Variants in DNAH9 observed in about 807,000 individuals in gnomAD.
The protein encoded by DNAH9 is DNAH9 variant protein.
Under a neutral mutation model 471.6 loss-of-function variants are expected in DNAH9, and 345 were observed. The ratio of observed to expected loss-of-function variants is 0.73; its 90% CI spans 0.67 to 0.80. The LOEUF is 0.80. DNAH9 is among the 30% of genes least tolerant of loss of function. DNAH9 has a pLI of 0.00. For synonymous variants in DNAH9, 2,093 were observed against 2,123.6 expected (o/e 0.99, Z 0.40); for missense variants, 5,407 against 5,609.2 (o/e 0.96, Z 1.15).
At chr17:11,706,471 A>T (rs1412172859) in intron 26 of DNAH9, among the ~76,000 whole-genome samples, 1 of 152,154 alleles carries the variant, frequency 6.6e-6, no homozygotes, top group African/African-American at 2.4e-5. Context: ...AATATCACCA[A>T]GGGGAAAAGT....
intron 28 of DNAH9, 99 bp downstream of exon 28, chr17:11,728,021 C>A: frequency 1.3e-6 from 1 of 750,072 alleles, no homozygotes; most frequent in Admixed American, 2.2e-5. Context: ...CATCTACGTC[C>A]CTTTTTCCCT....
At chr17:11,689,493 T>C (rs1001920001) in intron 19 of DNAH9, 73 bp from the exon 20 acceptor site, 2 of 1,282,228 alleles carry the variant, frequency 1.6e-6, no homozygotes, top group African/African-American at 3.0e-5. Context: ...TTTCAGCTGG[T>C]TGCTACCTTA....
intron 32 of DNAH9, among the ~76,000 whole-genome samples, chr17:11,749,074 GTT>G (rs375847017): frequency 2.0e-5 from 1 of 49,108 alleles, no homozygotes; most frequent in Non-Finnish European, 4.2e-5. Context: ...GTTTTTTTTT[GTT>G]TTTTTTTTTG....
At chr17:11,783,559 G>A (rs757692932) in intron 39 of DNAH9, 87 bp from the exon 40 acceptor site, 60 of 936,108 alleles carry the variant, frequency 6.4e-5, no homozygotes, top group Non-Finnish European at 9.4e-5. Flanking sequence ...CACATGAACA[G>A]TAGGGCACAT....
intron 58 of DNAH9, among the ~76,000 whole-genome samples, chr17:11,893,697 CTG>C (rs1354303891): frequency 6.6e-6 from 1 of 152,008 alleles, no homozygotes; most frequent in Non-Finnish European, 1.5e-5. Flanking sequence ...ATGTCACACA[CTG>C]GGGCCTGTCA....
At chr17:11,628,873 G>A (rs544070676) in intron 6 of DNAH9, among the ~76,000 whole-genome samples, 2 of 152,216 alleles carry the variant, frequency 1.3e-5, no homozygotes, top group South Asian at 4.2e-4. Context: ...ATTTATGTAT[G>A]TATATATTTA....
At chr17:11,890,383 A>G (rs1451737582) in intron 57 of DNAH9, among the ~76,000 whole-genome samples, 1 of 152,214 alleles carries the variant, frequency 6.6e-6, no homozygotes, top group Non-Finnish European at 1.5e-5. Context: ...ATTAAAACTA[A>G]ATAAGGAAGA....
At chr17:11,805,549 T>TTTTTTTTTTTG (rs1969638724) in intron 43 of DNAH9, among the ~76,000 whole-genome samples, 1 of 106,546 alleles carries the variant, frequency 9.4e-6, no homozygotes, top group Non-Finnish European at 1.9e-5. Context: ...TTTTTTTTTT[T>TTTTTTTTTTTG]TTTTTTTTTT....
Position 11,699,876 on chromosome 17 carries a change from G to T in DNAH9, c.5018G>T (p.Ser1673Ile). 4 of 1,614,154 alleles carry T rather than the reference G, an allele frequency of 2.5e-6. No individual in the cohort carries two copies. The highest frequency in any genetic ancestry group is 3.4e-6 in the Non-Finnish European group (4 of 1,179,994). Residue 1673 changes from serine to isoleucine, a missense_variant, in exon 23 of 69, where the codon AGC (serine) becomes ATC (isoleucine). Ser to Ile is a moderately radical substitution (Grantham distance 142). Around this residue, in one of 3 missense-constraint regions of DNAH9, gnomAD observed 4,636 missense variants for 4,900.3 expected, o/e 0.95. Transcript: ENST00000262442. ...YVAFSEPCDC[S>I]GQVEIWLNHV... ...GCTTTCAGTGAGCCCTGTGACTGCA[G>T]CGGGCAGGTAACACAGTAGCCCTTT...
intron 45 of DNAH9, among the ~76,000 whole-genome samples, chr17:11,819,550 T>G (rs1394078072): frequency 6.7e-6 from 1 of 150,372 alleles, no homozygotes; most frequent in African/African-American, 2.5e-5. Context: ...TCTGAATAGC[T>G]GAGACTACAG....
chr17:11,612,042 G>A, intron 4 of DNAH9: 2 of 597,498 alleles, frequency 3.3e-6, no homozygotes, highest in East Asian at 5.5e-5. Flanking sequence ...TTGGTTATGG[G>A]GCATACACTT....
At chr17:11,707,902 A>T (rs1200427767) in intron 26 of DNAH9, among the ~76,000 whole-genome samples, 1 of 145,848 alleles carries the variant, frequency 6.9e-6, no homozygotes, top group Non-Finnish European at 1.5e-5. Flanking sequence ...CTTTTGTTCT[A>T]CTCTCTGTCC....
intron 20 of DNAH9, among the ~76,000 whole-genome samples, chr17:11,691,491 A>G (rs1424830266): frequency 1.3e-5 from 2 of 152,220 alleles, no homozygotes; most frequent in African/African-American, 4.8e-5. Context: ...ATGTAAACAC[A>G]TTTACTTTCC....
intron 12 of DNAH9, among the ~76,000 whole-genome samples, chr17:11,648,800 A>C (rs1436507583): frequency 6.6e-6 from 1 of 152,158 alleles, no homozygotes; most frequent in Non-Finnish European, 1.5e-5. Flanking sequence ...TTGACATACA[A>C]CTTCAAGCAA....
At chr17:11,805,597 G>C (rs1033157337) in intron 43 of DNAH9, among the ~76,000 whole-genome samples, 3 of 132,696 alleles carry the variant, frequency 2.3e-5, no homozygotes, top group Non-Finnish European at 4.6e-5. Context: ...ATCCAGACTG[G>C]AGTGCAGTGG....
intron 63 of DNAH9, 71 bp downstream of exon 63, chr17:11,930,164 GA>G (rs1227183873): frequency 7.5e-7 from 1 of 1,340,296 alleles, no homozygotes; most frequent in Non-Finnish European, 1.0e-6. Flanking sequence ...GGTGGGGGGA[GA>G]GCATGCAACT....
intron 22 of DNAH9, among the ~76,000 whole-genome samples, chr17:11,696,196 A>G (rs535934985): frequency 6.6e-6 from 1 of 152,248 alleles, no homozygotes; most frequent in South Asian, 2.1e-4. Context: ...TACAGTTTCT[A>G]ATTTCCCCTT....
intron 15 of DNAH9, among the ~76,000 whole-genome samples, chr17:11,665,854 G>A (rs1228077376): frequency 2.0e-5 from 3 of 152,220 alleles, no homozygotes; most frequent in Non-Finnish European, 4.4e-5. Flanking sequence ...TCCAAGGCCA[G>A]TGTCCAGATA....
intron 38 of DNAH9, among the ~76,000 whole-genome samples, chr17:11,773,917 GTCAGGAGTTCGAGACCAGCC>G (rs1968317325): frequency 6.6e-6 from 1 of 152,050 alleles, no homozygotes. Context: ...ATCACCTGAG[GTCAGGAGTTCGAGACCAGCC>G]TGGCCAACAT....
Sources: gnomAD v4.1 joint callset for allele counts (sites outside exome capture counted in the v4.1 genomes callset) on GRCh38, gnomAD v4.1.1 for gene constraint, gnomAD v4.1.1 regional missense constraint, MANE v1.5 for transcripts, NCBI Gene and HGNC (gene_info 2026-07-23, HGNC 2026-07-21) for gene names.